Variants in PACRG observed in about 807,000 individuals in gnomAD.
PACRG encodes parkin coregulated gene protein.
PACRG carries 29 observed loss-of-function variants against 29.7 expected under a neutral mutation model. The ratio of observed to expected loss-of-function variants is 0.98; its 90% CI spans 0.73 to 1.33. PACRG has a LOEUF of 1.33. Ranked by LOEUF, PACRG falls within the 40% of genes most tolerant of loss-of-function variation. The probability of loss-of-function intolerance (pLI) is 0.00; values close to 1 mark genes in which losing one functional copy is unlikely to be tolerated. For synonymous variants in PACRG, 116 were observed against 118.7 expected (o/e 0.98, Z 0.15); for missense variants, 279 against 316.2 (o/e 0.88, Z 0.89).
intron 2 of PACRG, among the ~76,000 whole-genome samples, chr6:163,022,721 C>T (rs2128221636): frequency 6.6e-6 from 1 of 152,184 alleles, no homozygotes; most frequent in East Asian, 1.9e-4. Flanking sequence ...TCACAGTATT[C>T]AACATTTTAA....
intron 2 of PACRG, among the ~76,000 whole-genome samples, chr6:163,049,354 G>A (rs1809743890): frequency 6.6e-6 from 1 of 152,002 alleles, no homozygotes; most frequent in African/African-American, 2.4e-5. Context: ...AAATAGACTA[G>A]TGATTTAAAT....
chr6:163,031,548 T>A (rs2128228282), intron 2 of PACRG, among the ~76,000 whole-genome samples: 1 of 152,378 alleles, frequency 6.6e-6, no homozygotes. Flanking sequence ...TTGTTTGCAG[T>A]TTCCCATTTT....
At chr6:162,935,089 T>G (rs982126049) in intron 2 of PACRG, among the ~76,000 whole-genome samples, 1 of 152,156 alleles carries the variant, frequency 6.6e-6, no homozygotes, top group Non-Finnish European at 1.5e-5. Context: ...TGTGATTGGA[T>G]GCTTTTCTCT....
At chr6:163,295,773 G>A (rs9346955) in intron 4 of PACRG, among the ~76,000 whole-genome samples, 38,397 of 152,046 alleles carry the variant, frequency 0.25, 5,639 homozygotes, top group East Asian at 0.35. Context: ...ACAGCCACAC[G>A]CTAACATAGA....
intron 4 of PACRG, among the ~76,000 whole-genome samples, chr6:163,308,619 T>G (rs1365536329): frequency 6.6e-6 from 1 of 150,418 alleles, no homozygotes; most frequent in Non-Finnish European, 1.5e-5. Flanking sequence ...TGAGCCAAGG[T>G]TGCACCACTA....
intron 2 of PACRG, among the ~76,000 whole-genome samples, chr6:162,902,982 T>G (rs2128060769): frequency 6.6e-6 from 1 of 152,352 alleles, no homozygotes; most frequent in South Asian, 2.1e-4. Flanking sequence ...TAATATACCT[T>G]ACTGTTAATC....
intron 4 of PACRG, among the ~76,000 whole-genome samples, chr6:163,122,820 A>G (rs892289317): frequency 6.6e-6 from 1 of 152,232 alleles, no homozygotes; most frequent in Non-Finnish European, 1.5e-5. Flanking sequence ...GTATACATAC[A>G]TTTATGTTAC....
At chr6:163,222,451 G>A (rs1781627753) in intron 4 of PACRG, among the ~76,000 whole-genome samples, 1 of 152,204 alleles carries the variant, frequency 6.6e-6, no homozygotes, top group Admixed American at 6.5e-5. Context: ...GTGGTGGCAG[G>A]TGCCTGTCGT....
chr6:163,000,077 A>C lies in PACRG; in HGVS notation c.292-62073A>C, dbSNP rs1804441853. On this transcript the variant is annotated intron_variant, in intron 2 of 4. Transcript: ENST00000366888. ...GAGCCATCAGCAGGGTTCTCTGTAG[A>C]TTAGTCTGATCATTAAGATCCTTGT... is the stretch of plus-strand genomic sequence containing the variant. 2.6e-5 allele frequency among the ~76,000 whole-genome samples: 4 copies of C among 152,274 alleles called. No homozygotes were observed. The South Asian group carries it at 8.3e-4, about 32-fold the overall frequency.
At chr6:163,177,032 A>G (rs558452163) in intron 4 of PACRG, among the ~76,000 whole-genome samples, 4 of 152,166 alleles carry the variant, frequency 2.6e-5, no homozygotes, top group Non-Finnish European at 5.9e-5. Flanking sequence ...CAGGTGAGCC[A>G]GCCTGGAGAC....
chr6:163,004,035 A>G (rs1009410469), intron 2 of PACRG, among the ~76,000 whole-genome samples: 1 of 152,164 alleles, frequency 6.6e-6, no homozygotes, highest in Non-Finnish European at 1.5e-5. Context: ...GACCATATCA[A>G]TCTCTTTCAG....
chr6:163,043,593 A>G (rs1325490075), intron 2 of PACRG, among the ~76,000 whole-genome samples: 1 of 152,176 alleles, frequency 6.6e-6, no homozygotes, highest in Non-Finnish European at 1.5e-5. Context: ...CAGAAGTTCA[A>G]GTATGAAGCC....
At chr6:163,130,022 T>C (rs1816670740) in intron 4 of PACRG, among the ~76,000 whole-genome samples, 1 of 152,228 alleles carries the variant, frequency 6.6e-6, no homozygotes, top group African/African-American at 2.4e-5. Context: ...GTACCTCATG[T>C]GTCTCTTATG....
chr6:163,309,127 G>A (rs187132961), intron 4 of PACRG, among the ~76,000 whole-genome samples: 7 of 152,264 alleles, frequency 4.6e-5, no homozygotes, highest in Admixed American at 3.9e-4. Flanking sequence ...GCTTGATTCC[G>A]ACAAATGCTG....
chr6:163,000,084 T>C (rs1006094358), intron 2 of PACRG, among the ~76,000 whole-genome samples: 7 of 152,198 alleles, frequency 4.6e-5, no homozygotes, highest in African/African-American at 9.6e-5. Context: ...TAGATTAGTC[T>C]GATCATTAAG....
intron 2 of PACRG, among the ~76,000 whole-genome samples, chr6:162,843,408 C>T (rs1399891450): frequency 8.5e-6 from 1 of 117,942 alleles, no homozygotes; most frequent in Non-Finnish European, 1.8e-5. Flanking sequence ...GAGGCTTCTG[C>T]ATTCTTCACG....
At position 162,961,087 on chromosome 6, in the gene PACRG, C is replaced by A. The variant is rs565143472; in HGVS notation, c.292-101063C>A. 3.3e-5 allele frequency among the ~76,000 whole-genome samples: 5 copies of A among 152,260 alleles called. No individual in the cohort carries two copies. The South Asian group carries it at 1.0e-3, about 32-fold the overall frequency. On this transcript the variant is annotated intron_variant, in intron 2 of 4. Coordinates refer to ENST00000366888, the MANE Select transcript of PACRG (RefSeq NM_001080379.2). Reference sequence around the variant, plus strand: ...TTGAATTTTTGCTGTCACTCATAGCCCTGTGAACCTATTCATGACACAGCA... The same window carrying A: ...TTGAATTTTTGCTGTCACTCATAGCACTGTGAACCTATTCATGACACAGCA...
intron 4 of PACRG, among the ~76,000 whole-genome samples, chr6:163,303,821 CA>C (rs992960533): frequency 3.2e-4 from 48 of 151,528 alleles, no homozygotes; most frequent in African/African-American, 1.0e-3. Context: ...CCAGCCTGGC[CA>C]ACATGGTGAA....
intron 3 of PACRG, among the ~76,000 whole-genome samples, chr6:163,073,588 G>A (rs185242508): frequency 7.2e-5 from 11 of 152,040 alleles, no homozygotes; most frequent in African/African-American, 9.7e-5. Context: ...AAATGGGATC[G>A]CATCAAGTTA....
Sources: allele counts gnomAD v4.1 joint callset (sites outside exome capture counted in the v4.1 genomes callset), GRCh38; gene constraint gnomAD v4.1.1; transcripts MANE v1.5; gene names NCBI Gene and HGNC (gene_info 2026-07-23, HGNC 2026-07-21).